GAS7: variants seen among roughly 807,000 people sequenced by gnomAD.
GAS7 encodes the protein growth arrest specific 7.
A neutral mutation model predicts 71.1 loss-of-function variants in GAS7; 28 were observed. The ratio of observed to expected loss-of-function variants is 0.39; its 90% confidence interval spans 0.29 to 0.54. The LOEUF is 0.54. GAS7 is among the 20% of genes least tolerant of loss of function. GAS7 has a pLI of 0.62. For missense variants in GAS7, 436 were observed against 627.8 expected (o/e 0.69, Z 3.27); for synonymous variants, 258 against 245.8 (o/e 1.05, Z -0.46).
chr17:9,956,518 C>G (rs1386064918), intron 5 of GAS7, among the ~76,000 whole-genome samples: 1 of 152,144 alleles, frequency 6.6e-6, no homozygotes, highest in Non-Finnish European at 1.5e-5. Context: ...CATGCTCCTG[C>G]CAAGGGCTGT....
chr17:9,927,290 TACACACACACACAC>T lies in GAS7; in HGVS notation c.886-535_886-522del, dbSNP rs371084335. Among the ~76,000 whole-genome samples, 485 of 116,932 alleles carry T rather than the reference TACACACACACACAC, an allele frequency of 4.1e-3. 5 individuals carry two copies. Among genetic ancestry groups the T allele is most frequent in the African/African-American group, 0.014 (429 of 29,960 alleles). 76.7% of individuals were successfully genotyped at this position (116,932 alleles called of 152,430 possible). ...ATGGTGAAACCCCATCTCTACTACA[TACACACACACACAC>T]ACACACACACACACACACACACACA... is the stretch of plus-strand genomic sequence containing the variant. On this transcript the variant is annotated intron_variant, in intron 9 of 13. Transcript: ENST00000432992.
intron 1 of GAS7, among the ~76,000 whole-genome samples, chr17:10,193,843 C>T (rs1416389912): frequency 6.6e-6 from 1 of 152,184 alleles, no homozygotes; most frequent in East Asian, 1.9e-4. Flanking sequence ...GCAGAAGAAC[C>T]ACCCAGCTGA....
intron 1 of GAS7, among the ~76,000 whole-genome samples, chr17:10,054,578 C>T (rs750096057): frequency 2.6e-5 from 4 of 152,180 alleles, no homozygotes; most frequent in Non-Finnish European, 4.4e-5. Flanking sequence ...TTTTGCACAC[C>T]GGCTACCAGT....
At chr17:10,088,295 C>T (rs1322284203) in intron 1 of GAS7, among the ~76,000 whole-genome samples, 1 of 151,224 alleles carries the variant, frequency 6.6e-6, no homozygotes, top group Non-Finnish European at 1.5e-5. Flanking sequence ...CTAGCACAAC[C>T]CTGGCTCTGT....
chr17:10,170,496 C>G (rs531216348), intron 1 of GAS7, among the ~76,000 whole-genome samples: 75 of 152,346 alleles, frequency 4.9e-4, no homozygotes, highest in South Asian at 2.1e-3. Context: ...CTTCTCTCAG[C>G]AATCCACGTG....
chr17:10,087,894 C>T (rs912972443), intron 1 of GAS7, among the ~76,000 whole-genome samples: 1 of 152,110 alleles, frequency 6.6e-6, no homozygotes, highest in Admixed American at 6.5e-5. Flanking sequence ...AGCAGGGGAG[C>T]CTTTGGTGCC....
chr17:10,061,629 G>A (rs2073221169), intron 1 of GAS7, among the ~76,000 whole-genome samples: 1 of 152,198 alleles, frequency 6.6e-6, no homozygotes, highest in Non-Finnish European at 1.5e-5. Context: ...GTCCAAAGAT[G>A]CACACAAGCA....
chr17:10,005,242 C>T (rs557669667), intron 2 of GAS7, among the ~76,000 whole-genome samples: 4 of 141,186 alleles, frequency 2.8e-5, no homozygotes, highest in East Asian at 2.1e-4. Context: ...TATGTGCGCG[C>T]ATGCATGTGT....
At position 10,026,332 on chromosome 17, in the gene GAS7, C is replaced by A. The variant is rs2072462482; in HGVS notation, c.184-6435G>T. ...ATCCACAGGGCCCCACACCCCCACTCCCCCCACACCCAGATCTATATATAA... is the reference window on the plus strand; with the variant it reads ...ATCCACAGGGCCCCACACCCCCACTACCCCCACACCCAGATCTATATATAA... On this transcript the variant is annotated intron_variant, in intron 1 of 13. Transcript: ENST00000432992. The surrounding 1 kb of genome is among the most constrained non-coding windows in gnomAD (Gnocchi z 4.5). 1.0e-6 allele frequency: 1 copy of A among 973,094 alleles called. No individual in the cohort carries two copies. The highest frequency in any genetic ancestry group is 1.2e-6 in the Non-Finnish European group (1 of 818,712). The allele number at this position is 973,094 out of a possible 1,614,324, so 60.3% of individuals were successfully genotyped here.
At chr17:9,947,982 G>A (rs1192725530) in intron 5 of GAS7, among the ~76,000 whole-genome samples, 1 of 152,166 alleles carries the variant, frequency 6.6e-6, no homozygotes, top group Non-Finnish European at 1.5e-5. Context: ...TCCACTTAAA[G>A]AATAGTAATT....
At chr17:10,177,774 G>C (rs964328806) in intron 1 of GAS7, among the ~76,000 whole-genome samples, 5 of 152,144 alleles carry the variant, frequency 3.3e-5, no homozygotes, top group African/African-American at 9.7e-5. Context: ...AGCTGTAGCT[G>C]AATATATATA....
chr17:10,176,966 T>A (rs537180420), intron 1 of GAS7, among the ~76,000 whole-genome samples: 1 of 152,330 alleles, frequency 6.6e-6, no homozygotes, highest in Non-Finnish European at 1.5e-5. Context: ...AAATACTTAC[T>A]GAGCCAGACT....
chr17:10,053,654 G>A (rs912018680), intron 1 of GAS7, among the ~76,000 whole-genome samples: 29 of 152,040 alleles, frequency 1.9e-4, no homozygotes, highest in African/African-American at 6.8e-4. Flanking sequence ...GTGCTGAATC[G>A]TCTAGAAAAA....
At chr17:10,136,989 C>G (rs1438730966) in intron 1 of GAS7, among the ~76,000 whole-genome samples, 5 of 152,126 alleles carry the variant, frequency 3.3e-5, no homozygotes, top group African/African-American at 1.2e-4. Context: ...TGGCGCACAC[C>G]TGTAGTCCCA....
chr17:10,195,669 G>T (rs953587552), intron 1 of GAS7, among the ~76,000 whole-genome samples: 2 of 152,146 alleles, frequency 1.3e-5, no homozygotes, highest in African/African-American at 4.8e-5. Context: ...GCCATCTCCA[G>T]TATCTATGGG....
At chr17:10,089,520 A>C (rs906227466) in intron 1 of GAS7, among the ~76,000 whole-genome samples, 1,717 of 39,098 alleles carry the variant, frequency 0.044, 19 homozygotes, top group Non-Finnish European at 0.059. Flanking sequence ...GAACACAGTA[A>C]AAAAAAAAAA....
chr17:9,943,242 A>C lies in GAS7; in HGVS notation c.616-6T>G. The stretch of plus-strand genomic sequence containing the variant: ...TGGGGGTCCTTCTTATCAGCCTACA[A>C]AGGAAGCAGAAGCACAAGAGTTTAG... On this transcript the variant is annotated splice_polypyrimidine_tract_variant and splice_region_variant and intron_variant, in intron 6 of 13. Transcript: ENST00000432992. 6.6e-7 allele frequency: 1 copy of C among 1,508,100 alleles called. No individual in the cohort carries two copies. The highest frequency in any genetic ancestry group is 9.2e-7 in the Non-Finnish European group (1 of 1,082,766). 93.4% of individuals were successfully genotyped at this position (1,508,100 alleles called of 1,614,324 possible).
chr17:10,075,008 A>C (rs933171252), intron 1 of GAS7, among the ~76,000 whole-genome samples: 1 of 151,996 alleles, frequency 6.6e-6, no homozygotes, highest in African/African-American at 2.4e-5. Context: ...AAAACTCGAC[A>C]CTCATTTGTG....
chr17:9,911,362 C>T lies in GAS7; in HGVS notation c.*5866G>A. 1 of 233,868 alleles carries T rather than the reference C, an allele frequency of 4.3e-6. No homozygotes were observed. Among genetic ancestry groups the T allele is most frequent in the Non-Finnish European group, 8.4e-6 (1 of 118,472 alleles). The allele number at this position is 233,868 out of a possible 1,614,324, so 14.5% of individuals were successfully genotyped here. On this transcript the variant is annotated 3_prime_UTR_variant, in exon 14 of 14. Coordinates refer to ENST00000432992, the MANE Select transcript of GAS7 (RefSeq NM_201433.2). This position sits in a 1 kb window ranked among gnomAD's most constrained non-coding sequence, Gnocchi z 4.0. ...TTCCCTCTAGGTCTCCCAGTCACCC[C>T]ACCCCGAGAGAGCACCCACGTGCCC...
Sources: gnomAD v4.1 joint callset for allele counts (sites outside exome capture counted in the v4.1 genomes callset) on GRCh38, gnomAD v4.1.1 for gene constraint, Gnocchi (gnomAD v3.1) non-coding constraint, MANE v1.5 for transcripts, NCBI Gene and HGNC (gene_info 2026-07-23, HGNC 2026-07-21) for gene names.